The following WDR38 variants were observed in gnomAD, a reference collection of about 807,000 sequenced individuals.
The protein encoded by WDR38 is WD repeat-containing protein 38.
WDR38 carries 37 observed loss-of-function variants against 36.6 expected under a neutral mutation model. That is an observed-to-expected ratio of 1.01 (90% CI 0.78 to 1.33). The LOEUF is 1.33. Among genes scored for constraint, WDR38 ranks in the 40% most tolerant of loss-of-function variants. WDR38 has a pLI of 0.00. For synonymous variants in WDR38, 164 were observed against 168.1 expected (o/e 0.98, Z 0.19); for missense variants, 411 against 414.6 (o/e 0.99, Z 0.07).
intron 2 of WDR38, among the ~76,000 whole-genome samples, chr9:124,855,417 G>T (rs1184261666): frequency 6.6e-6 from 1 of 152,206 alleles, no homozygotes; most frequent in Admixed American, 6.5e-5. Flanking sequence ...TCCCTACTTT[G>T]ACTTGGGGAT....
Position 124,856,735 on chromosome 9 carries a change from T to G in WDR38, c.622T>G (p.Ser208Ala). 1 of 1,613,474 alleles carries G rather than the reference T, an allele frequency of 6.2e-7. No individual in the cohort carries two copies. The highest frequency in any genetic ancestry group is 8.5e-7 in the Non-Finnish European group (1 of 1,179,812). ...ATCAGAGCTGTCTGCTGTCCAGGCA[T>G]CCGGCTCCTGGGACAAGACCATCCA... The part of the protein sequence containing the change: ...LCYSASGLLA[S>A]GSWDKTIHIW... Residue 208 changes from serine (S) to alanine (A), a missense_variant, in exon 7 of 9, where the codon TCC (serine) becomes GCC (alanine). Transcript: ENST00000373574.
At chr9:124,857,215 A>G in intron 7 of WDR38, 149 bp from the exon 8 acceptor site, 2 of 1,071,860 alleles carry the variant, frequency 1.9e-6, no homozygotes, top group Non-Finnish European at 2.8e-6. Flanking sequence ...TAATCCCAGC[A>G]CTTTGGGAGG....
chr9:124,854,037 G>A (rs538841358), intron 1 of WDR38, among the ~76,000 whole-genome samples, 168 bp from the exon 2 acceptor site: 19 of 152,208 alleles, frequency 1.2e-4, no homozygotes, highest in Middle Eastern at 3.4e-3. Flanking sequence ...CTGGCTTTAC[G>A]GGACTCGAGA....
In WDR38 at chr9:124,857,380, G is replaced by A; in HGVS notation, c.785G>A (p.Cys262Tyr). 1 of 1,614,080 alleles carries A rather than the reference G, an allele frequency of 6.2e-7. No homozygotes were observed. The highest frequency in any genetic ancestry group is 8.5e-7 in the Non-Finnish European group (1 of 1,180,014). ...CTTTTCCAGGTCAAAGTCTGGGACT[G>A]CAACACAGGAAAGTGCCTTGAGACC... The part of the protein sequence containing the change: ...GYSRMVKVWD[C>Y]NTGKCLETLK... The change falls in exon 8 of 9, where the codon TGC becomes TAC. Residue 262 changes from cysteine to tyrosine, a missense_variant. Physicochemically the swap from Cys to Tyr is radical, Grantham distance 194. Coordinates refer to ENST00000373574, the MANE Select transcript of WDR38 (RefSeq NM_001045476.3).
At chr9:124,853,946 G>C (rs1283810536) in intron 1 of WDR38, among the ~76,000 whole-genome samples, 2 of 152,182 alleles carry the variant, frequency 1.3e-5, no homozygotes, top group Admixed American at 1.3e-4. Flanking sequence ...TCCGTTGTCA[G>C]CTGCGGCTCT....
At position 124,856,544 on chromosome 9, in the gene WDR38, C is replaced by A. The variant is rs771452558; in HGVS notation, c.562C>A (p.Leu188Ile). 4 of 1,613,450 alleles carry A rather than the reference C, an allele frequency of 2.5e-6. 1 individual carries two copies. In the South Asian group the frequency reaches 3.3e-5, roughly 13 times the overall value. The change falls in exon 6 of 9, where the codon CTA (leucine) becomes ATA (isoleucine). Residue 188 changes from leucine (L) to isoleucine (I), a missense_variant. Coordinates refer to ENST00000373574, the MANE Select transcript of WDR38 (RefSeq NM_001045476.3). ...GACCCCAGCAGTCTCCCACCAGGCG[C>A]TAGAGGGACACAGTGCCAACATCAG... ...MVTPAVSHQALEGHSANISCL... is the reference protein window; with the variant it reads ...MVTPAVSHQAIEGHSANISCL...
intron 5 of WDR38, 43 bp downstream of exon 5, chr9:124,856,363 T>C: frequency 1.2e-6 from 2 of 1,613,338 alleles, no homozygotes; most frequent in Non-Finnish European, 1.7e-6. Flanking sequence ...AGTGGCCCCA[T>C]ACCCACTTGG....
At position 124,856,898 on chromosome 9, in the gene WDR38, C is replaced by T. The variant is rs766908955; in HGVS notation, c.768+17C>T. 1 of 1,613,088 alleles carries T rather than the reference C, an allele frequency of 6.2e-7. No individual in the cohort carries two copies. The highest frequency in any genetic ancestry group is 8.5e-7 in the Non-Finnish European group (1 of 1,180,018). On this transcript the variant is annotated intron_variant, in intron 7 of 8. Coordinates refer to ENST00000373574, the MANE Select transcript of WDR38 (RefSeq NM_001045476.3). The stretch of plus-strand genomic sequence containing the variant: ...TCCCGCATGGTAACCACCCCGGGCC[C>T]ATCCTGCTCCTACCTACCCATCCTC...
chr9:124,857,710 A>C lies in WDR38; in HGVS notation c.*80A>C. On this transcript the variant is annotated 3_prime_UTR_variant, in exon 9 of 9. Coordinates refer to ENST00000373574, the MANE Select transcript of WDR38 (RefSeq NM_001045476.3). ...GCATGCCGCTTCTCCCCACAGACGC[A>C]AAGTGACTGTGCTGGCATCCAGCAG... is the stretch of plus-strand genomic sequence containing the variant. The C allele has an allele frequency of 6.3e-7, 1 of 1,589,642 alleles. No individual in the cohort carries two copies. The highest frequency in any genetic ancestry group is 1.1e-5 in the South Asian group (1 of 88,826).
chr9:124,857,859 TGGAA>T lies in WDR38; in HGVS notation c.*231_*234del. ...GACCCACCCACCTCCACCCAATCAG[TGGAA>T]GTGCCAGGAAACAAAGCAGTCTCAG... On this transcript the variant is annotated 3_prime_UTR_variant, in exon 9 of 9. Coordinates refer to ENST00000373574, the MANE Select transcript of WDR38 (RefSeq NM_001045476.3). 1 of 1,596,618 alleles carries T rather than the reference TGGAA, an allele frequency of 6.3e-7. No homozygotes were observed. The highest frequency in any genetic ancestry group is 8.6e-7 in the Non-Finnish European group (1 of 1,169,472).
At chr9:124,856,708 G>T (rs776646244) in intron 6 of WDR38, 24 bp from the exon 7 acceptor site, 5 of 1,613,908 alleles carry the variant, frequency 3.1e-6, no homozygotes, top group Non-Finnish European at 3.4e-6. Flanking sequence ...CAAACCCTGG[G>T]GATCAGAGCT....
At position 124,855,755 on chromosome 9, in the gene WDR38, G is replaced by A. The variant is rs748389204; in HGVS notation, c.307+5G>A. On this transcript the variant is annotated splice_donor_5th_base_variant and intron_variant, in intron 3 of 8. Transcript: ENST00000373574. ...AGTGTCTGCGGGTCCTGAAGGGTGA[G>A]TGAGCTGGGAGCCAAGCAGCCAGGC... 1 of 1,613,240 alleles carries A rather than the reference G, an allele frequency of 6.2e-7. No individual in the cohort carries two copies. Among genetic ancestry groups the A allele is most frequent in the East Asian group, 2.2e-5 (1 of 44,884 alleles).
rs1459333803 is a variant in WDR38, at chr9:124,857,776, C to T, written c.*146C>T. 9 of 1,508,202 alleles carry T rather than the reference C, an allele frequency of 6.0e-6. No homozygotes were observed. The highest frequency in any genetic ancestry group is 8.1e-6 in the Non-Finnish European group (9 of 1,117,064). The allele number at this position is 1,508,202 out of a possible 1,614,324, so 93.4% of individuals were successfully genotyped here. A position where few individuals can be genotyped will look rare whatever the true frequency, so the allele number is the denominator to read the frequency against. ...ACTCTCCAGGCCCCACCAGAGCAGACAACTGTGGTGGGCAGGACGCTTGCT... is the reference window on the plus strand; with the variant it reads ...ACTCTCCAGGCCCCACCAGAGCAGATAACTGTGGTGGGCAGGACGCTTGCT... On this transcript the variant is annotated 3_prime_UTR_variant, in exon 9 of 9. Coordinates refer to ENST00000373574, the MANE Select transcript of WDR38 (RefSeq NM_001045476.3).
chr9:124,855,902 T>TCG lies in WDR38; in HGVS notation c.350_351dup (p.Gln119AspfsTer12). On this transcript the variant is annotated frameshift_variant, in exon 4 of 9. Coordinates refer to ENST00000373574, the MANE Select transcript of WDR38 (RefSeq NM_001045476.3). LOFTEE classifies it high-confidence loss of function. ...GGAGACGGTCAGCTTCAGCCCTGAC[T>TCG]CGAGACAGCTGGCATCAGGTGGCTG... The TCG allele has an allele frequency of 6.2e-7, 1 of 1,614,106 alleles. No homozygotes were observed. Among genetic ancestry groups the TCG allele is most frequent in the Non-Finnish European group, 8.5e-7 (1 of 1,179,960 alleles).
rs779971713 is a variant in WDR38, at chr9:124,857,347, C to CT, written c.769-17_769-16insT. ...TGGCCTGGTGAGGCTTCCTGACATGCCCCCCTCCTTTTCCAGGTCAAAGTC... is the reference window on the plus strand; with the variant it reads ...TGGCCTGGTGAGGCTTCCTGACATGCTCCCCCTCCTTTTCCAGGTCAAAGTC... On this transcript the variant is annotated splice_polypyrimidine_tract_variant and intron_variant, in intron 7 of 8. Transcript: ENST00000373574. The CT allele has an allele frequency of 1.4e-6, 2 of 1,463,072 alleles. No homozygotes were observed. The highest frequency in any genetic ancestry group is 1.8e-6 in the Non-Finnish European group (2 of 1,111,940). The allele number at this position is 1,463,072 out of a possible 1,614,324, so 90.6% of individuals were successfully genotyped here. A position where few individuals can be genotyped will look rare whatever the true frequency, so the allele number is the denominator to read the frequency against.
chr9:124,856,771 C>T lies in WDR38; in HGVS notation c.658C>T (p.Pro220Ser). Residue 220 changes from proline to serine, a missense_variant, in exon 7 of 9, where the codon CCC becomes TCC. Pro to Ser is a moderately conservative substitution (Grantham distance 74). Transcript: ENST00000373574. ...SWDKTIHIWK[P>S]TTSSLLIQLK... ...GGACAAGACCATCCACATCTGGAAG[C>T]CCACAACCAGCAGCCTGCTTATCCA... is the stretch of plus-strand genomic sequence containing the variant. The T allele has an allele frequency of 5.0e-6, 8 of 1,614,252 alleles. No homozygotes were observed. The highest frequency in any genetic ancestry group is 1.1e-5 in the South Asian group (1 of 91,086).
At chr9:124,854,060 G>A (rs760623026) in intron 1 of WDR38, 145 bp from the exon 2 acceptor site, 17 of 1,318,632 alleles carry the variant, frequency 1.3e-5, no homozygotes, top group Admixed American at 2.0e-5. Flanking sequence ...GGGCCCAGTG[G>A]GTCCCGGGTT....
At position 124,853,502 on chromosome 9, in the gene WDR38, C is replaced by A; in HGVS notation, c.-30C>A. 8.1e-7 allele frequency: 1 copy of A among 1,239,276 alleles called. No individual in the cohort carries two copies. Among genetic ancestry groups the A allele is most frequent in the Non-Finnish European group, 1.0e-6 (1 of 984,258 alleles). The allele number at this position is 1,239,276 out of a possible 1,614,324, so 76.8% of individuals were successfully genotyped here. On this transcript the variant is annotated 5_prime_UTR_variant, in exon 1 of 9. Coordinates refer to ENST00000373574, the MANE Select transcript of WDR38 (RefSeq NM_001045476.3). ...GGTCCCGCGGCCGCCTAGGAGGGAGCCCGCCGGGGCGGGGCGGGGCCGGGT... is the reference window on the plus strand; with the variant it reads ...GGTCCCGCGGCCGCCTAGGAGGGAGACCGCCGGGGCGGGGCGGGGCCGGGT...
intron 1 of WDR38, 139 bp from the exon 2 acceptor site, chr9:124,854,066 G>A (rs1828979974): frequency 7.2e-6 from 10 of 1,388,852 alleles, no homozygotes; most frequent in Non-Finnish European, 9.8e-6. Flanking sequence ...AGTGGGTCCC[G>A]GGTTCTGGGC....
Sources: allele counts gnomAD v4.1 joint callset (sites outside exome capture counted in the v4.1 genomes callset), GRCh38; gene constraint gnomAD v4.1.1; transcripts MANE v1.5; gene names NCBI Gene and HGNC (gene_info 2026-07-23, HGNC 2026-07-21).